ZC3H12B: variants seen among roughly 807,000 people sequenced by gnomAD.
The protein encoded by ZC3H12B is zinc finger CCCH-type containing 12B.
In ZC3H12B, 7 loss-of-function variants were observed where a neutral mutation model predicts 43.9. That is an observed-to-expected ratio of 0.16 (90% confidence interval 0.09 to 0.30). ZC3H12B has a LOEUF of 0.30. ZC3H12B is among the 10% of genes least tolerant of loss of function. ZC3H12B has a pLI of 1.00. For synonymous variants in ZC3H12B, 222 were observed against 241.7 expected, an observed-to-expected ratio of 0.92 and a Z score of 0.76; for missense variants, 475 against 670.2, an observed-to-expected ratio of 0.71 and a Z score of 3.22.
chrX:65,233,436 A>T, the ZC3H12B span, among the ~76,000 whole-genome samples: 3 of 111,235 alleles, frequency 2.7e-5, no homozygotes, highest in Non-Finnish European at 5.7e-5. Flanking sequence ...CAAATCAATA[A>T]TAAGAAGAAC....
chrX:65,302,444 C>T, the ZC3H12B span, among the ~76,000 whole-genome samples: 1 of 110,668 alleles, frequency 9.0e-6, no homozygotes. Flanking sequence ...TGCTTGGGTA[C>T]AGATAAAACA....
At chrX:65,204,787 C>A in the ZC3H12B span, among the ~76,000 whole-genome samples, 213 of 112,102 alleles carry the variant, frequency 1.9e-3, 4 homozygotes, top group East Asian at 0.036. Flanking sequence ...TTGGAAATAA[C>A]TCTTTTCTTT....
chrX:65,443,497 T>C (rs144710204), intron 3 of ZC3H12B, among the ~76,000 whole-genome samples: 418 of 112,033 alleles, frequency 3.7e-3, no homozygotes, highest in African/African-American at 0.013. Flanking sequence ...CAAACAGAGA[T>C]TTACCCACAT....
chrX:65,424,310 G>A (rs1055746583), intron 3 of ZC3H12B, among the ~76,000 whole-genome samples: 3 of 111,674 alleles, frequency 2.7e-5, no homozygotes, highest in Non-Finnish European at 3.8e-5. Context: ...TTTTTAATGG[G>A]GTTGTTTGTT....
chrX:65,274,081 C>T, the ZC3H12B span, among the ~76,000 whole-genome samples: 1 of 112,090 alleles, frequency 8.9e-6, no homozygotes, highest in Non-Finnish European at 1.9e-5. Flanking sequence ...GCAGCTTTGT[C>T]TCCCCCACTC....
intron 2 of ZC3H12B, among the ~76,000 whole-genome samples, chrX:65,393,542 G>C (rs1228316885): frequency 9.0e-6 from 1 of 111,614 alleles, no homozygotes; most frequent in African/African-American, 3.3e-5. Flanking sequence ...GAGTGAGAAC[G>C]TGCAGTGTTT....
chrX:65,130,132 CTT>C, the ZC3H12B span, among the ~76,000 whole-genome samples: 1 of 111,258 alleles, frequency 9.0e-6, no homozygotes, highest in Non-Finnish European at 1.9e-5. Flanking sequence ...ACAGAGTCCT[CTT>C]TTTTAAGTTG....
chrX:65,133,594 G>A, the ZC3H12B span, among the ~76,000 whole-genome samples: 2 of 111,582 alleles, frequency 1.8e-5, no homozygotes, highest in East Asian at 2.8e-4. Flanking sequence ...TGGGCAGGTG[G>A]GGGACAGCTA....
the ZC3H12B span, among the ~76,000 whole-genome samples, chrX:65,244,367 A>G: frequency 9.0e-6 from 1 of 111,220 alleles, no homozygotes; most frequent in Non-Finnish European, 1.9e-5. Flanking sequence ...GAAACATAAC[A>G]CAGAAACATG....
the ZC3H12B span, chrX:65,185,981 T>A: frequency 1.8e-5 from 2 of 111,467 alleles, no homozygotes; most frequent in South Asian, 7.5e-4. Flanking sequence ...CCTAAACAAA[T>A]TAAAGTTTAA....
At chrX:65,098,740 A>C in the ZC3H12B span, among the ~76,000 whole-genome samples, 1 of 111,027 alleles carries the variant, frequency 9.0e-6, no homozygotes, top group Non-Finnish European at 1.9e-5. Context: ...CAATCCGCAG[A>C]CCAGGAGATT....
chrX:65,200,017 T>A, the ZC3H12B span, among the ~76,000 whole-genome samples: 1 of 111,460 alleles, frequency 9.0e-6, no homozygotes, highest in Admixed American at 9.6e-5. Flanking sequence ...CCTCTAGGTC[T>A]TCGAGGAATC....
At chrX:65,072,267 GA>G in the ZC3H12B span, among the ~76,000 whole-genome samples, 2 of 112,283 alleles carry the variant, frequency 1.8e-5, no homozygotes, top group Admixed American at 9.4e-5. Flanking sequence ...ATTGCATTAT[GA>G]AATTCTTGTA....
chrX:65,421,765 C>A (rs927741845), intron 3 of ZC3H12B, among the ~76,000 whole-genome samples: 4 of 110,407 alleles, frequency 3.6e-5, no homozygotes, highest in Non-Finnish European at 5.7e-5. Context: ...ATCGAGACCA[C>A]GGTGAAACCC....
the ZC3H12B span, among the ~76,000 whole-genome samples, chrX:65,283,574 C>G: frequency 9.0e-6 from 1 of 111,663 alleles, no homozygotes; most frequent in Non-Finnish European, 1.9e-5. Context: ...TTTAGAAAAC[C>G]CCATCATCTC....
chrX:65,238,330 G>A, the ZC3H12B span, among the ~76,000 whole-genome samples: 47 of 111,599 alleles, frequency 4.2e-4, no homozygotes, highest in Middle Eastern at 9.2e-3. Context: ...CTTGGGAGGT[G>A]TATGTGTCCA....
the ZC3H12B span, among the ~76,000 whole-genome samples, chrX:65,046,252 A>G: frequency 1.8e-5 from 2 of 112,161 alleles, no homozygotes; most frequent in Non-Finnish European, 3.8e-5. Flanking sequence ...TGAAAGTCCT[A>G]GATGGCATCT....
intron 3 of ZC3H12B, among the ~76,000 whole-genome samples, chrX:65,455,025 GA>G (rs1375289470): frequency 8.9e-6 from 1 of 111,808 alleles, no homozygotes. Context: ...CAAAGATGGG[GA>G]AAAAACAGAG....
the ZC3H12B span, among the ~76,000 whole-genome samples, chrX:65,127,746 A>G: frequency 9.0e-6 from 1 of 110,692 alleles, no homozygotes; most frequent in Admixed American, 9.6e-5. Flanking sequence ...CTGAAGTTAT[A>G]TTCCCAGGGA....
Sources: gnomAD v4.1 joint callset for allele counts (sites outside exome capture counted in the v4.1 genomes callset) on GRCh38, gnomAD v4.1.1 for gene constraint, MANE v1.5 for transcripts, NCBI Gene and HGNC (gene_info 2026-07-23, HGNC 2026-07-21) for gene names.